Variants in FGFR3 observed in about 807,000 individuals in gnomAD.
FGFR3 encodes fibroblast growth factor receptor 3.
In FGFR3, 25 loss-of-function variants were observed where a neutral mutation model predicts 82.9. The ratio of observed to expected loss-of-function variants is 0.30; its 90% CI spans 0.22 to 0.42. FGFR3 has a LOEUF of 0.42. Among genes scored for constraint, FGFR3 ranks in the 10% least tolerant of loss-of-function variants. The pLI is 1.00. For synonymous variants in FGFR3, 620 were observed against 516.0 expected, an observed-to-expected ratio of 1.20 and a Z score of -2.73; for missense variants, 1,026 against 1,161.0, an observed-to-expected ratio of 0.88 and a Z score of 1.69.
chr4:1,799,216 G>C, intron 2 of FGFR3, 38 bp from the exon 3 acceptor site: 1 of 1,611,162 alleles, frequency 6.2e-7, no homozygotes, highest in Non-Finnish European at 8.5e-7. Flanking sequence ...TGCCGGGTTT[G>C]GGGGTGCCTG....
rs902537971 is a variant in FGFR3 at position 1,801,691 on chromosome 4, C to T, written c.687C>T (p.Val229=). Reference sequence around the variant, plus strand: ...CGGACCGCGGCAACTACACCTGCGTCGTGGAGAACAAGTTTGGCAGCATCC... The same window carrying T: ...CGGACCGCGGCAACTACACCTGCGTTGTGGAGAACAAGTTTGGCAGCATCC... ...VPSDRGNYTC[V]VENKFGSIRQ... Residue 229 remains valine, a synonymous_variant, in exon 6 of 18, where the codon GTC becomes GTT. Coordinates refer to ENST00000440486, the MANE Select transcript of FGFR3 (RefSeq NM_000142.5). The T allele has an allele frequency of 6.8e-6, 11 of 1,610,682 alleles. No homozygotes were observed. The highest frequency in any genetic ancestry group is 4.5e-5 in the East Asian group (2 of 44,792).
At chr4:1,796,344 G>C (rs963083986) in intron 2 of FGFR3, among the ~76,000 whole-genome samples, 1 of 152,062 alleles carries the variant, frequency 6.6e-6, no homozygotes, top group East Asian at 1.9e-4. Context: ...CCTTTTTTCC[G>C]GACTTTATTG....
In FGFR3 at chr4:1,806,259, C is replaced by T. The variant is rs1338753060; in HGVS notation, c.1962C>T (p.Gly654=). The T allele has an allele frequency of 1.9e-6, 3 of 1,613,042 alleles. No homozygotes were observed. The highest frequency in any genetic ancestry group is 2.2e-5 in the East Asian group (1 of 44,862). The change falls in exon 15 of 18, where the codon GGC becomes GGT. Residue 654 remains glycine (G), a splice_region_variant and synonymous_variant. Transcript: ENST00000440486. ...ACCGCCTTCCCACACCCTCCCAGGG[C>T]CGGCTGCCCGTGAAGTGGATGGCGC... The part of the protein sequence containing the change: ...NLDYYKKTTN[G]RLPVKWMAPE...
Position 1,807,427 on chromosome 4 carries a change from G to A in FGFR3, c.*165G>A, listed in dbSNP as rs112613951. On this transcript the variant is annotated 3_prime_UTR_variant, in exon 18 of 18. Coordinates refer to ENST00000440486, the MANE Select transcript of FGFR3 (RefSeq NM_000142.5). ...TGTGTGTGTGTGTGTGTGCACATCCGCGTGTGCCTGTGTGCGTGCGCATCT... is the reference window on the plus strand; with the variant it reads ...TGTGTGTGTGTGTGTGTGCACATCCACGTGTGCCTGTGTGCGTGCGCATCT... The A allele has an allele frequency of 3.8e-4, 402 of 1,064,880 alleles. 2 individuals carry two copies. The African/African-American group carries it at 5.8e-3, about 15-fold the overall frequency. The allele number at this position is 1,064,880 out of a possible 1,614,324, so 66.0% of individuals were successfully genotyped here.
chr4:1,803,112 G>A, intron 7 of FGFR3: 2 of 1,493,104 alleles, frequency 1.3e-6, no homozygotes, highest in Non-Finnish European at 1.8e-6. Flanking sequence ...CCAGCTCCAA[G>A]GCCCTGGCCG....
intron 8 of FGFR3, 107 bp downstream of exon 8, chr4:1,803,943 C>T (rs1301781874): frequency 1.6e-6 from 2 of 1,271,268 alleles, no homozygotes; most frequent in African/African-American, 2.9e-5. Flanking sequence ...TACGGCCGTC[C>T]CGCTTCTTGA....
chr4:1,807,201 CCGT>C lies in FGFR3; in HGVS notation c.2361_2363del (p.Val788del). 6.2e-7 allele frequency: 1 copy of C among 1,608,302 alleles called. No homozygotes were observed. The highest frequency in any genetic ancestry group is 8.5e-7 in the Non-Finnish European group (1 of 1,178,166). On this transcript the variant is annotated inframe_deletion, in exon 18 of 18. Coordinates refer to ENST00000440486, the MANE Select transcript of FGFR3 (RefSeq NM_000142.5). ...AGCTCCAGCTCCTCAGGGGACGACTCCGTGTTTGCCCACGACCTGCTGCCCCCG... is the reference window on the plus strand; with the variant it reads ...AGCTCCAGCTCCTCAGGGGACGACTCGTTTGCCCACGACCTGCTGCCCCCG...
rs121913112 is a variant in FGFR3, at chr4:1,805,561, G to T, written c.1537G>T (p.Asp513Tyr). The stretch of plus-strand genomic sequence containing the variant: ...CAGGCCCCCCGCTCCGTGCACAGAC[G>T]ATGCCACTGACAAGGACCTGTCGGA... ...VTVAVKMLKD[D>Y]ATDKDLSDLV... Residue 513 changes from aspartate (D) to tyrosine (Y), a missense_variant and splice_region_variant, in exon 12 of 18, where the codon GAT becomes TAT. By Grantham distance (160) the Asp-to-Tyr change is radical (BLOSUM62 -3). Around this residue, in one of 9 missense-constraint regions of FGFR3, gnomAD observed 164 missense variants for 167.5 expected, o/e 0.98. Coordinates refer to ENST00000440486, the MANE Select transcript of FGFR3 (RefSeq NM_000142.5). The T allele has an allele frequency of 6.2e-7, 1 of 1,613,144 alleles. No individual in the cohort carries two copies. Among genetic ancestry groups the T allele is most frequent in the Non-Finnish European group, 8.5e-7 (1 of 1,179,832 alleles).
rs1449540376 is a variant in FGFR3 at position 1,808,371 on chromosome 4, T to A, written c.*1109T>A. 2 of 232,156 alleles carry A rather than the reference T, an allele frequency of 8.6e-6. No individual in the cohort carries two copies. Among genetic ancestry groups the A allele is most frequent in the Non-Finnish European group, 1.7e-5 (2 of 117,278 alleles). The allele number at this position is 232,156 out of a possible 1,614,324, so 14.4% of individuals were successfully genotyped here. Reference sequence around the variant, plus strand: ...TTTGTCCTTTTTCAGGAGAATTAGATTTCTATAGGATTTTTCTTTAGGAGA... The same window carrying A: ...TTTGTCCTTTTTCAGGAGAATTAGAATTCTATAGGATTTTTCTTTAGGAGA... On this transcript the variant is annotated 3_prime_UTR_variant, in exon 18 of 18. Coordinates refer to ENST00000440486, the MANE Select transcript of FGFR3 (RefSeq NM_000142.5).
chr4:1,806,803 C>T (rs946768921), intron 16 of FGFR3, 26 bp from the exon 17 acceptor site: 4 of 1,577,710 alleles, frequency 2.5e-6, no homozygotes, highest in East Asian at 2.4e-5. Context: ...AGCGGCGGGG[C>T]TCACTCCTGA....
At chr4:1,806,728 G>C (rs1367766659) in intron 16 of FGFR3, 45 bp downstream of exon 16, 4 of 1,607,610 alleles carry the variant, frequency 2.5e-6, no homozygotes, top group Non-Finnish European at 3.4e-6. Context: ...AGGGGTGGGG[G>C]TCCCTCCGGG....
chr4:1,799,142 G>A, intron 2 of FGFR3, 112 bp from the exon 3 acceptor site: 2 of 1,463,402 alleles, frequency 1.4e-6, no homozygotes, highest in Non-Finnish European at 1.9e-6. Flanking sequence ...TGGGACCCTG[G>A]ATCTGGGTCA....
Position 1,804,988 on chromosome 4 carries a change from C to A in FGFR3, c.1412+19C>A, listed in dbSNP as rs1232148533. ...GGGCCCGGTCAGTGGTGCTGAGGGC[C>A]AGCGTTGGCTGTAGGGGGCTTGGTG... On this transcript the variant is annotated intron_variant, in intron 10 of 17. Transcript: ENST00000440486. 2 of 1,539,872 alleles carry A rather than the reference C, an allele frequency of 1.3e-6. No homozygotes were observed. The highest frequency in any genetic ancestry group is 2.0e-5 in the Admixed American group (1 of 50,826).
rs2108811233 is a variant in FGFR3 at position 1,806,544 on chromosome 4, A to T, written c.2031-2A>T. On this transcript the variant is annotated splice_acceptor_variant, in intron 15 of 17. Transcript: ENST00000440486. LOFTEE classifies it high-confidence loss of function. Reference sequence around the variant, plus strand: ...ACAGCCTGACCTCACCTTCCCCTGCAGCTGGTCCTTTGGGGTCCTGCTCTG... The same window carrying T: ...ACAGCCTGACCTCACCTTCCCCTGCTGCTGGTCCTTTGGGGTCCTGCTCTG... The T allele has an allele frequency of 6.2e-7, 1 of 1,612,968 alleles. No individual in the cohort carries two copies.
chr4:1,793,323 C>G lies in FGFR3; in HGVS notation c.-245C>G, dbSNP rs1238169244. The stretch of plus-strand genomic sequence containing the variant: ...GCGGTGGCGGCGGCGTCGCGGGCAG[C>G]TGGCGCCGCGCGGTCCTGCTCTGCC... On this transcript the variant is annotated 5_prime_UTR_variant, in exon 1 of 18. Transcript: ENST00000440486. 6.8e-6 allele frequency: 1 copy of G among 146,418 alleles called. No homozygotes were observed. Among genetic ancestry groups the G allele is most frequent in the Non-Finnish European group, 1.5e-5 (1 of 65,998 alleles). The allele number at this position is 146,418 out of a possible 1,614,324, so 9.1% of individuals were successfully genotyped here.
chr4:1,799,916 C>A, intron 4 of FGFR3, 104 bp downstream of exon 4: 1 of 1,306,716 alleles, frequency 7.7e-7, no homozygotes, highest in Admixed American at 2.1e-5. Context: ...CCGGAACAAC[C>A]TCCCTGGGGT....
intron 7 of FGFR3, 138 bp from the exon 8 acceptor site, chr4:1,803,554 G>A (rs1457070654): frequency 2.8e-6 from 4 of 1,443,060 alleles, no homozygotes; most frequent in South Asian, 2.6e-5. Flanking sequence ...CCGCGTGGCG[G>A]TGACCAAGTT....
intron 7 of FGFR3, chr4:1,803,151 C>T: frequency 7.3e-7 from 1 of 1,365,736 alleles, no homozygotes; most frequent in South Asian, 1.7e-5. Flanking sequence ...CACGCCCAGC[C>T]CTGCTCGCTC....
Position 1,805,928 on chromosome 4 carries a change from G to T in FGFR3, c.1824G>T (p.Leu608Phe), listed in dbSNP as rs1721852591. The change falls in exon 13 of 18, where the codon TTG (leucine) becomes TTT (phenylalanine). Residue 608 changes from leucine to phenylalanine, a missense_variant. This residue lies in a region of FGFR3 where 164 missense variants were observed against 167.5 expected (regional missense o/e 0.98). Coordinates refer to ENST00000440486, the MANE Select transcript of FGFR3 (RefSeq NM_000142.5). Reference protein sequence around the residue: ...AYQVARGMEYLASQKCIHRDL... With the variant: ...AYQVARGMEYFASQKCIHRDL... ...AGGTGGCCCGGGGCATGGAGTACTT[G>T]GCCTCCCAGAAGGTGGGCAGGGCGG... The T allele has an allele frequency of 6.2e-7, 1 of 1,609,518 alleles. No individual in the cohort carries two copies. Among genetic ancestry groups the T allele is most frequent in the Non-Finnish European group, 8.5e-7 (1 of 1,177,240 alleles).
Sources: gnomAD v4.1 joint callset for allele counts (sites outside exome capture counted in the v4.1 genomes callset) on GRCh38, gnomAD v4.1.1 for gene constraint, gnomAD v4.1.1 regional missense constraint, MANE v1.5 for transcripts, NCBI Gene and HGNC (gene_info 2026-07-23, HGNC 2026-07-21) for gene names.